The following PBX1 variants were observed in gnomAD, a reference collection of about 807,000 sequenced individuals.
The protein encoded by PBX1 is pre-B-cell leukemia transcription factor 1.
Under a neutral mutation model 53.4 loss-of-function variants are expected in PBX1, and 6 were observed. The observed-to-expected ratio is 0.11, with a 90% CI of 0.06 to 0.22. The LOEUF (loss-of-function observed/expected upper bound fraction) is 0.22. Ranked by LOEUF, PBX1 falls within the 10% of genes least tolerant of loss-of-function variation. The pLI, the probability that PBX1 is intolerant of heterozygous loss-of-function variation, is 1.00. For synonymous variants in PBX1, 204 were observed against 212.3 expected, an observed-to-expected ratio of 0.96 and a Z score of 0.34; for missense variants, 251 against 551.4, an observed-to-expected ratio of 0.46 and a Z score of 5.46.
chr1:164,740,519 A>G (rs80007298), intron 2 of PBX1, among the ~76,000 whole-genome samples: 1 of 152,130 alleles, frequency 6.6e-6, no homozygotes, highest in Non-Finnish European at 1.5e-5. Context: ...ACCCATAACT[A>G]TCTTTGGTGA....
At chr1:164,573,003 A>G (rs374368934) in intron 2 of PBX1, among the ~76,000 whole-genome samples, 1 of 151,374 alleles carries the variant, frequency 6.6e-6, no homozygotes, top group East Asian at 1.9e-4. Context: ...ACACTTTCAC[A>G]CCCCCCTCCC....
intron 2 of PBX1, among the ~76,000 whole-genome samples, chr1:164,728,276 C>T (rs1433821241): frequency 6.6e-6 from 1 of 150,818 alleles, no homozygotes; most frequent in Non-Finnish European, 1.5e-5. Context: ...ATGATCGCGC[C>T]ACTACACTCC....
chr1:164,559,627 C>A lies in PBX1; in HGVS notation c.-196C>A. 1 of 344,808 alleles carries A rather than the reference C, an allele frequency of 2.9e-6. No individual in the cohort carries two copies. Among genetic ancestry groups the A allele is most frequent in the Non-Finnish European group, 5.3e-6 (1 of 188,240 alleles). 21.4% of individuals were successfully genotyped at this position (344,808 alleles called of 1,614,324 possible). ...ACCCCTTCACGCCCCCTCCCCCTCC[C>A]CCTCCTCATCCTCCCACCATCCTCT... is the stretch of plus-strand genomic sequence containing the variant. On this transcript the variant is annotated 5_prime_UTR_variant, in exon 1 of 9. Transcript: ENST00000420696.
At chr1:164,863,493 G>T (rs1460700840) in intron 2 of PBX1, among the ~76,000 whole-genome samples, 1 of 152,110 alleles carries the variant, frequency 6.6e-6, no homozygotes, top group Non-Finnish European at 1.5e-5. Flanking sequence ...TCTAGTGGGG[G>T]TATCTAATAT....
chr1:164,821,650 CCCTGCTTTGTTTTTATTCTTT>C, intron 8 of PBX1, 24 bp downstream of exon 8: 1 of 1,582,560 alleles, frequency 6.3e-7, no homozygotes, highest in Non-Finnish European at 8.7e-7. Context: ...CCCCCCCACC[CCCTGCTTTGTTTTTATTCTTT>C]CACTACCAAT....
At chr1:164,653,253 T>C (rs529004814) in intron 2 of PBX1, among the ~76,000 whole-genome samples, 2 of 152,340 alleles carry the variant, frequency 1.3e-5, no homozygotes, top group South Asian at 2.1e-4. Context: ...GAGATTTATC[T>C]GTGTTATTGC....
intron 2 of PBX1, among the ~76,000 whole-genome samples, chr1:164,761,505 C>T (rs899650588): frequency 2.7e-4 from 41 of 151,600 alleles, no homozygotes; most frequent in African/African-American, 7.7e-4. Context: ...AGTGCAGTGG[C>T]GCGATCTCGA....
At chr1:164,840,740 T>G (rs548782627) in intron 8 of PBX1, among the ~76,000 whole-genome samples, 8 of 152,276 alleles carry the variant, frequency 5.3e-5, no homozygotes, top group African/African-American at 1.7e-4. Flanking sequence ...GCACCAAATC[T>G]CCCTGATGCC....
chr1:164,821,654 G>T (rs1033984215), intron 8 of PBX1, 28 bp downstream of exon 8: 2 of 1,570,612 alleles, frequency 1.3e-6, no homozygotes, highest in South Asian at 1.1e-5. Flanking sequence ...CCCACCCCCT[G>T]CTTTGTTTTT....
chr1:164,595,925 T>C (rs1397148363), intron 2 of PBX1, among the ~76,000 whole-genome samples: 1 of 152,166 alleles, frequency 6.6e-6, no homozygotes, highest in African/African-American at 2.4e-5. Context: ...TTTAGGGCTT[T>C]GGTGGAGTTC....
intron 2 of PBX1, among the ~76,000 whole-genome samples, chr1:164,636,507 G>A (rs184211687): frequency 9.7e-4 from 148 of 152,250 alleles, no homozygotes; most frequent in Middle Eastern, 6.8e-3. Context: ...GAGTTGGAAC[G>A]TGAAGCACAG....
chr1:164,748,388 C>A (rs1017749875), intron 2 of PBX1, among the ~76,000 whole-genome samples: 1 of 152,090 alleles, frequency 6.6e-6, no homozygotes, highest in Non-Finnish European at 1.5e-5. Context: ...ACTCTATATC[C>A]GGCCTCTTTG....
chr1:164,754,688 C>CGTGT (rs141341198), intron 2 of PBX1, among the ~76,000 whole-genome samples: 1 of 151,256 alleles, frequency 6.6e-6, no homozygotes, highest in Admixed American at 6.6e-5. Flanking sequence ...CACGTGCGTG[C>CGTGT]GTGTGTGTGT....
chr1:164,641,866 T>G (rs1290675243), intron 2 of PBX1: 1 of 152,208 alleles, frequency 6.6e-6, no homozygotes, highest in Admixed American at 6.5e-5. Context: ...ATTTTTGGTA[T>G]TCAGCTAACA....
chr1:164,658,594 G>T (rs1660303551), intron 2 of PBX1, among the ~76,000 whole-genome samples: 5 of 152,126 alleles, frequency 3.3e-5, no homozygotes, highest in Admixed American at 3.3e-4. Flanking sequence ...ACAGCATGGT[G>T]TCACATGGTT....
intron 2 of PBX1, among the ~76,000 whole-genome samples, chr1:164,592,918 C>CT: frequency 6.6e-6 from 1 of 152,160 alleles, no homozygotes; most frequent in South Asian, 2.1e-4. Flanking sequence ...GGAGCTAGTA[C>CT]TTTCCCAGCA....
intron 2 of PBX1, among the ~76,000 whole-genome samples, chr1:164,778,171 A>C (rs10800048): frequency 0.33 from 49,713 of 152,026 alleles, 9,301 homozygotes; most frequent in African/African-American, 0.51. Context: ...AGGTCTTACA[A>C]CAGCAACTCA....
At chr1:164,778,977 A>T (rs1667802288) in intron 2 of PBX1, among the ~76,000 whole-genome samples, 1 of 152,076 alleles carries the variant, frequency 6.6e-6, no homozygotes, top group South Asian at 2.1e-4. Context: ...CAGTTTCCTC[A>T]TCTGACTAAA....
chr1:164,821,888 C>T (rs1670174484), intron 8 of PBX1, among the ~76,000 whole-genome samples: 2 of 152,074 alleles, frequency 1.3e-5, no homozygotes, highest in African/African-American at 4.8e-5. Flanking sequence ...CGGCCACATG[C>T]GTTCAGCTAG....
Sources: gnomAD v4.1 joint callset for allele counts (sites outside exome capture counted in the v4.1 genomes callset) on GRCh38, gnomAD v4.1.1 for gene constraint, MANE v1.5 for transcripts, NCBI Gene and HGNC (gene_info 2026-07-23, HGNC 2026-07-21) for gene names.